SLC38A4: variants seen among roughly 807,000 people sequenced by gnomAD.
SLC38A4 encodes the protein sodium-coupled neutral amino acid transporter 4.
In SLC38A4, 20 loss-of-function variants were observed where a neutral mutation model predicts 63.1. That is an observed-to-expected ratio of 0.32 (90% CI 0.22 to 0.46). SLC38A4 has a LOEUF of 0.46. Ranked by LOEUF, SLC38A4 falls within the 20% of genes least tolerant of loss-of-function variation. The probability of loss-of-function intolerance (pLI) is 1.00; values close to 1 mark genes in which losing one functional copy is unlikely to be tolerated. For missense variants in SLC38A4, 526 were observed against 663.6 expected, an observed-to-expected ratio of 0.79 and a Z score of 2.28; for synonymous variants, 230 against 225.5, an observed-to-expected ratio of 1.02 and a Z score of -0.18.
At chr12:46,787,845 A>T (rs1405236579) in intron 5 of SLC38A4, 71 bp downstream of exon 5, 2 of 1,078,016 alleles carry the variant, frequency 1.9e-6, no homozygotes, top group Non-Finnish European at 2.8e-6. Flanking sequence ...CAAACTTGAG[A>T]TTGTTAATTG....
At chr12:46,825,005 T>C (rs1592200264) in intron 1 of SLC38A4, among the ~76,000 whole-genome samples, 1 of 152,238 alleles carries the variant, frequency 6.6e-6, no homozygotes, top group East Asian at 1.9e-4. Context: ...TCTGTGCAAC[T>C]GGATGCAAAT....
At chr12:46,804,452 T>C (rs893790300) in intron 1 of SLC38A4, among the ~76,000 whole-genome samples, 2 of 152,008 alleles carry the variant, frequency 1.3e-5, no homozygotes, top group Non-Finnish European at 2.9e-5. Flanking sequence ...ATTCTGAAAG[T>C]GAGGAAAGAA....
intron 1 of SLC38A4, among the ~76,000 whole-genome samples, chr12:46,809,716 C>T (rs1939303081): frequency 3.9e-5 from 6 of 151,992 alleles, no homozygotes. Flanking sequence ...AAAATAAATT[C>T]AGAATAGAAT....
chr12:46,802,159 G>C (rs1205979155), intron 2 of SLC38A4, among the ~76,000 whole-genome samples: 1 of 152,034 alleles, frequency 6.6e-6, no homozygotes, highest in Non-Finnish European at 1.5e-5. Flanking sequence ...AGACTTTCTA[G>C]CTCTGCTCTT....
At position 46,769,444 on chromosome 12, in the gene SLC38A4, T is replaced by C; in HGVS notation, c.1300-16A>G. On this transcript the variant is annotated splice_polypyrimidine_tract_variant and intron_variant, in intron 14 of 16. Transcript: ENST00000266579. Reference sequence around the variant, plus strand: ...ATGTACGAATCTTAAACAAGAAAGTTCAAAGGCAAGATCATTTCTTTGTTT... The same window carrying C: ...ATGTACGAATCTTAAACAAGAAAGTCCAAAGGCAAGATCATTTCTTTGTTT... The C allele has an allele frequency of 6.2e-7, 1 of 1,607,818 alleles. No individual in the cohort carries two copies. The highest frequency in any genetic ancestry group is 8.5e-7 in the Non-Finnish European group (1 of 1,175,114).
intron 12 of SLC38A4, among the ~76,000 whole-genome samples, chr12:46,777,880 G>A (rs544680105): frequency 1.3e-5 from 2 of 152,140 alleles, no homozygotes; most frequent in South Asian, 2.1e-4. Flanking sequence ...AGGGTTAGGT[G>A]CTGACTATAA....
At chr12:46,817,395 A>T (rs1284780327) in intron 1 of SLC38A4, among the ~76,000 whole-genome samples, 2 of 64,500 alleles carry the variant, frequency 3.1e-5, no homozygotes, top group Non-Finnish European at 6.2e-5. Flanking sequence ...AACAGGACTC[A>T]CTAGATGCTT....
At chr12:46,829,059 A>C (rs900631613), upstream of SLC38A4, among the ~76,000 whole-genome samples, 4 of 152,230 alleles carry the variant, frequency 2.6e-5, no homozygotes, top group African/African-American at 7.2e-5. Context: ...TTTTATTCTA[A>C]TATCAGCATT....
chr12:46,774,840 C>T (rs1468238347), intron 14 of SLC38A4, among the ~76,000 whole-genome samples: 3 of 151,902 alleles, frequency 2.0e-5, no homozygotes, highest in Non-Finnish European at 1.5e-5. Context: ...GATTTTTTTC[C>T]TACACTATAA....
intron 16 of SLC38A4, among the ~76,000 whole-genome samples, chr12:46,767,270 TAC>T (rs1255666408): frequency 2.0e-5 from 3 of 151,822 alleles, no homozygotes; most frequent in Non-Finnish European, 4.4e-5. Context: ...ACATATAATA[TAC>T]ACACACATAT....
intron 1 of SLC38A4, among the ~76,000 whole-genome samples, chr12:46,816,012 G>A (rs1316974742): frequency 6.6e-6 from 1 of 151,884 alleles, no homozygotes; most frequent in East Asian, 1.9e-4. Flanking sequence ...CAGCACTGCT[G>A]CAACATCTGT....
At chr12:46,795,665 A>G (rs1565671542) in intron 2 of SLC38A4, among the ~76,000 whole-genome samples, 2 of 152,100 alleles carry the variant, frequency 1.3e-5, no homozygotes, top group African/African-American at 2.4e-5. Context: ...GAGTTGCTTC[A>G]TGTTGGAAAA....
At chr12:46,826,892 GA>G (rs1939664180), upstream of SLC38A4, among the ~76,000 whole-genome samples, 1 of 152,030 alleles carries the variant, frequency 6.6e-6, no homozygotes, top group South Asian at 2.1e-4. Context: ...GTAGGTCCAT[GA>G]AAAAAATGTT....
chr12:46,768,314 A>G lies in SLC38A4; in HGVS notation c.1538T>C (p.Val513Ala). ...KKETFRSPQKVGALIFLVVGI... is the reference protein window; with the variant it reads ...KKETFRSPQKAGALIFLVVGI... ...GAAATTGCAAGGTTTACTTACCCCG[A>G]CCTTTTGGGGTGACCTAAAAGTTTC... is the stretch of plus-strand genomic sequence containing the variant. The change falls in exon 16 of 17, where the codon GTC (valine) becomes GCC (alanine). Residue 513 changes from valine (V) to alanine (A), a missense_variant. Transcript: ENST00000266579. 6.2e-7 allele frequency: 1 copy of G among 1,608,534 alleles called. No individual in the cohort carries two copies. Among genetic ancestry groups the G allele is most frequent in the East Asian group, 2.2e-5 (1 of 44,752 alleles).
intron 1 of SLC38A4, among the ~76,000 whole-genome samples, chr12:46,815,575 T>C (rs945114525): frequency 1.3e-5 from 2 of 151,874 alleles, no homozygotes; most frequent in South Asian, 4.1e-4. Context: ...TTAGTTGCTG[T>C]TGTTGTTGGC....
intron 3 of SLC38A4, among the ~76,000 whole-genome samples, chr12:46,791,965 G>A (rs1938897974): frequency 6.6e-6 from 1 of 152,046 alleles, no homozygotes; most frequent in Non-Finnish European, 1.5e-5. Context: ...CAAAAAACAG[G>A]ACAGGAGGGG....
In SLC38A4 at chr12:46,820,523, C is replaced by T. The variant is rs150379407; in HGVS notation, c.-305+5380G>A. On this transcript the variant is annotated intron_variant, in intron 1 of 16. Coordinates refer to ENST00000266579, the MANE Select transcript of SLC38A4 (RefSeq NM_018018.5). ...AGCAGGATTTCTTTCTTTATCAAGG[C>T]TGGGTAATATTTCATTTTATGTATA... Among the ~76,000 whole-genome samples the T allele has an allele frequency of 1.5e-4, 23 of 152,102 alleles. No individual in the cohort carries two copies. The East Asian group carries it at 3.9e-3, about 26-fold the overall frequency.
intron 7 of SLC38A4, among the ~76,000 whole-genome samples, chr12:46,782,052 C>A (rs1432064308): frequency 3.3e-5 from 5 of 151,978 alleles, no homozygotes; most frequent in Non-Finnish European, 5.9e-5. Flanking sequence ...CTGTCAAATT[C>A]TACCCAAGAT....
At chr12:46,813,348 T>A (rs868296966) in intron 1 of SLC38A4, among the ~76,000 whole-genome samples, 1 of 152,032 alleles carries the variant, frequency 6.6e-6, no homozygotes, top group Admixed American at 6.6e-5. Context: ...TGTGTTCAGA[T>A]GCTATGTTCC....
Sources: gnomAD v4.1 joint callset for allele counts (sites outside exome capture counted in the v4.1 genomes callset) on GRCh38, gnomAD v4.1.1 for gene constraint, MANE v1.5 for transcripts, NCBI Gene and HGNC (gene_info 2026-07-23, HGNC 2026-07-21) for gene names.